THSD7A: variants seen among roughly 807,000 people sequenced by gnomAD.
The protein encoded by THSD7A is thrombospondin type-1 domain-containing protein 7A.
THSD7A carries 96 observed loss-of-function variants against 231.3 expected under a neutral mutation model. The observed-to-expected ratio is 0.41, with a 90% CI of 0.35 to 0.49. The LOEUF is 0.49. Ranked by LOEUF, THSD7A falls within the 20% of genes least tolerant of loss-of-function variation. The pLI is 0.05. For missense variants in THSD7A, 2,290 were observed against 2,070.2 expected, an observed-to-expected ratio of 1.11 and a Z score of -2.06; for synonymous variants, 940 against 743.3, an observed-to-expected ratio of 1.26 and a Z score of -4.30.
intron 1 of THSD7A, among the ~76,000 whole-genome samples, chr7:11,710,811 A>C (rs993339509): frequency 6.6e-6 from 1 of 150,958 alleles, no homozygotes; most frequent in African/African-American, 2.4e-5. Context: ...CTTACATCAA[A>C]ATGTAAGAAG....
chr7:11,423,095 C>G (rs1784204464), intron 16 of THSD7A, among the ~76,000 whole-genome samples: 1 of 152,132 alleles, frequency 6.6e-6, no homozygotes, highest in South Asian at 2.1e-4. Context: ...TATTACCTCT[C>G]TACCTCTTCC....
Position 11,832,120 on chromosome 7 carries a change from C to A in THSD7A, c.-174G>T. The A allele has an allele frequency of 2.6e-6, 1 of 383,924 alleles. No individual in the cohort carries two copies. The allele number at this position is 383,924 out of a possible 1,614,324, so 23.8% of individuals were successfully genotyped here. A position where few individuals can be genotyped will look rare whatever the true frequency, so the allele number is the denominator to read the frequency against. On this transcript the variant is annotated 5_prime_UTR_variant, in exon 1 of 28. Transcript: ENST00000423059. ...TAACACCAGGGAACAATAGCGTCCGCGGTGGTGGCCGTGGCCGCTGCCGCC... is the reference window on the plus strand; with the variant it reads ...TAACACCAGGGAACAATAGCGTCCGAGGTGGTGGCCGTGGCCGCTGCCGCC...
At chr7:11,572,240 TTC>T (rs1790668872) in intron 4 of THSD7A, among the ~76,000 whole-genome samples, 1 of 152,110 alleles carries the variant, frequency 6.6e-6, no homozygotes, top group African/African-American at 2.4e-5. Context: ...CCCTCCAATC[TTC>T]TCTCTTTAGA....
intron 1 of THSD7A, among the ~76,000 whole-genome samples, chr7:11,732,119 C>A (rs867157411): frequency 6.6e-6 from 1 of 151,376 alleles, no homozygotes; most frequent in African/African-American, 2.4e-5. Flanking sequence ...ATAATATTAG[C>A]TGAAAAAAGA....
intron 6 of THSD7A, among the ~76,000 whole-genome samples, chr7:11,513,552 C>T (rs1787906724): frequency 6.6e-6 from 1 of 151,994 alleles, no homozygotes; most frequent in Non-Finnish European, 1.5e-5. Flanking sequence ...CACAACAGGT[C>T]ACATATTATA....
At chr7:11,662,771 G>T (rs34350642) in intron 1 of THSD7A, among the ~76,000 whole-genome samples, 1 of 151,186 alleles carries the variant, frequency 6.6e-6, no homozygotes, top group Non-Finnish European at 1.5e-5. Context: ...GAGACAAGTG[G>T]AAATGTTTTG....
intron 1 of THSD7A, among the ~76,000 whole-genome samples, chr7:11,798,039 A>T (rs939093086): frequency 2.6e-5 from 4 of 152,154 alleles, no homozygotes; most frequent in African/African-American, 9.7e-5. Flanking sequence ...ATAGAAAGTC[A>T]AGGCAGGGCA....
chr7:11,644,774 T>G (rs1782217092), intron 1 of THSD7A, among the ~76,000 whole-genome samples: 1 of 151,964 alleles, frequency 6.6e-6, no homozygotes, highest in Non-Finnish European at 1.5e-5. Flanking sequence ...TAGAATTACT[T>G]AACCTCTTTG....
intron 1 of THSD7A, among the ~76,000 whole-genome samples, chr7:11,807,135 T>C (rs1329233907): frequency 6.6e-6 from 1 of 152,162 alleles, no homozygotes; most frequent in Non-Finnish European, 1.5e-5. Context: ...AAACAGTGCA[T>C]TTCCTAAGGA....
chr7:11,584,197 T>C (rs1791292974), intron 4 of THSD7A, among the ~76,000 whole-genome samples: 1 of 152,214 alleles, frequency 6.6e-6, no homozygotes, highest in South Asian at 2.1e-4. Flanking sequence ...TGCTGGTTTG[T>C]TCTGGGGAAT....
chr7:11,405,095 T>C (rs1255862082), intron 22 of THSD7A, among the ~76,000 whole-genome samples: 1 of 151,896 alleles, frequency 6.6e-6, no homozygotes, highest in Non-Finnish European at 1.5e-5. Context: ...TTATTTACTG[T>C]TCAATTTCAT....
intron 4 of THSD7A, among the ~76,000 whole-genome samples, chr7:11,573,931 C>T (rs900677524): frequency 5.3e-5 from 8 of 152,242 alleles, no homozygotes; most frequent in African/African-American, 1.9e-4. Flanking sequence ...CACATCTATT[C>T]AATCAATTCA....
chr7:11,507,052 C>T (rs929331571), intron 6 of THSD7A, among the ~76,000 whole-genome samples: 1 of 152,122 alleles, frequency 6.6e-6, no homozygotes, highest in Admixed American at 6.6e-5. Context: ...TCCTGACACA[C>T]AGAACATTCT....
At position 11,590,365 on chromosome 7, in the gene THSD7A, T is replaced by C. The variant is rs1780104624; in HGVS notation, c.1453+95A>G. On this transcript the variant is annotated intron_variant, in intron 4 of 27. Transcript: ENST00000423059. This position sits in a 1 kb window ranked among gnomAD's most constrained non-coding sequence, Gnocchi z 4.4. ...CACAATGTGAACAGAAATGCAGCCC[T>C]CATAACCTGGATGGCTGTGTATATA... is the stretch of plus-strand genomic sequence containing the variant. 7.6e-7 allele frequency: 1 copy of C among 1,317,924 alleles called. No homozygotes were observed. Among genetic ancestry groups the C allele is most frequent in the African/African-American group, 1.5e-5 (1 of 67,474 alleles). The allele number at this position is 1,317,924 out of a possible 1,614,324, so 81.6% of individuals were successfully genotyped here. A position where few individuals can be genotyped will look rare whatever the true frequency, so the allele number is the denominator to read the frequency against.
At chr7:11,386,873 G>A (rs1782765321) in intron 23 of THSD7A, among the ~76,000 whole-genome samples, 1 of 152,122 alleles carries the variant, frequency 6.6e-6, no homozygotes, top group Non-Finnish European at 1.5e-5. Context: ...AATCCATCTT[G>A]AGTGAATTTC....
intron 16 of THSD7A, among the ~76,000 whole-genome samples, chr7:11,419,643 C>T (rs1398326450): frequency 6.6e-6 from 1 of 152,084 alleles, no homozygotes; most frequent in Non-Finnish European, 1.5e-5. Flanking sequence ...AAAGTGGAAG[C>T]AGCTAAGGAA....
chr7:11,438,357 C>A (rs1051227196), intron 13 of THSD7A, among the ~76,000 whole-genome samples: 1 of 151,888 alleles, frequency 6.6e-6, no homozygotes, highest in Admixed American at 6.6e-5. Context: ...ATTTGTAGAG[C>A]CTTCTTTTTA....
At position 11,470,009 on chromosome 7, in the gene THSD7A, G is replaced by C. The variant is rs983577803; in HGVS notation, c.2253-15C>G. 6 of 1,515,344 alleles carry C rather than the reference G, an allele frequency of 4.0e-6. No individual in the cohort carries two copies. The South Asian group carries it at 5.9e-5, about 15-fold the overall frequency. The allele number at this position is 1,515,344 out of a possible 1,614,324, so 93.9% of individuals were successfully genotyped here. On this transcript the variant is annotated splice_polypyrimidine_tract_variant and intron_variant, in intron 8 of 27. Transcript: ENST00000423059. Reference sequence around the variant, plus strand: ...TTTCAGGACATCTAGAAAGGCAAAGGGGAATTATTAGGCTTCAATAGTAAA... The same window carrying C: ...TTTCAGGACATCTAGAAAGGCAAAGCGGAATTATTAGGCTTCAATAGTAAA...
chr7:11,439,439 T>G (rs1784734628), intron 13 of THSD7A, among the ~76,000 whole-genome samples: 1 of 152,164 alleles, frequency 6.6e-6, no homozygotes, highest in South Asian at 2.1e-4. Flanking sequence ...TATTTCAAAC[T>G]TTTTCATTAT....
Sources: gnomAD v4.1 joint callset for allele counts (sites outside exome capture counted in the v4.1 genomes callset) on GRCh38, gnomAD v4.1.1 for gene constraint, Gnocchi (gnomAD v3.1) non-coding constraint, MANE v1.5 for transcripts, NCBI Gene and HGNC (gene_info 2026-07-23, HGNC 2026-07-21) for gene names.